The following SLC71A2 variants were observed in gnomAD, a reference collection of about 807,000 sequenced individuals.
SLC71A2 encodes hippocampus abundant transcript-like 1.
At chr9:94,435,717 C>T in the SLC71A2 span, among the ~76,000 whole-genome samples, 8 of 144,864 alleles carry the variant, frequency 5.5e-5, no homozygotes, top group South Asian at 1.5e-3. Flanking sequence ...TGCAATGGCA[C>T]GATCTCGGCT....
the SLC71A2 span, among the ~76,000 whole-genome samples, chr9:94,396,119 A>G: frequency 6.6e-6 from 1 of 151,806 alleles, no homozygotes; most frequent in South Asian, 2.1e-4. Flanking sequence ...CAGGCAAGTC[A>G]TGGGATATCC....
the SLC71A2 span, among the ~76,000 whole-genome samples, chr9:94,379,888 T>C: frequency 6.6e-6 from 1 of 152,318 alleles, no homozygotes; most frequent in Middle Eastern, 3.4e-3. Flanking sequence ...GTAACAGGAA[T>C]ACATTAATTT....
At chr9:94,454,013 T>C in the SLC71A2 span, 1 of 1,614,188 alleles carries the variant, frequency 6.2e-7, no homozygotes, top group Non-Finnish European at 8.5e-7. Context: ...ACTGTCCTCC[T>C]TGGCTTGGGC....
chr9:94,445,183 G>A, the SLC71A2 span: 2 of 1,599,186 alleles, frequency 1.3e-6, no homozygotes, highest in East Asian at 2.2e-5. Flanking sequence ...CCCTTTTGCG[G>A]TAAATAAAAA....
the SLC71A2 span, among the ~76,000 whole-genome samples, chr9:94,404,197 TAA>T: frequency 6.6e-6 from 1 of 152,252 alleles, no homozygotes; most frequent in Non-Finnish European, 1.5e-5. Context: ...CAAAACAGAT[TAA>T]GACAGTAGCC....
At chr9:94,452,451 G>A in the SLC71A2 span, among the ~76,000 whole-genome samples, 8 of 151,766 alleles carry the variant, frequency 5.3e-5, no homozygotes, top group Admixed American at 2.6e-4. Flanking sequence ...ACAAAAATCA[G>A]CTGGGTGTGG....
the SLC71A2 span, among the ~76,000 whole-genome samples, chr9:94,431,134 A>C: frequency 6.6e-6 from 1 of 152,184 alleles, no homozygotes; most frequent in Non-Finnish European, 1.5e-5. Context: ...TAACATGGTG[A>C]AACTCCATCT....
the SLC71A2 span, among the ~76,000 whole-genome samples, chr9:94,425,310 C>T: frequency 6.6e-6 from 1 of 151,990 alleles, no homozygotes; most frequent in Non-Finnish European, 1.5e-5. Context: ...AATCAAACAA[C>T]AACAAAAAGA....
At chr9:94,400,039 G>T in the SLC71A2 span, among the ~76,000 whole-genome samples, 1 of 152,066 alleles carries the variant, frequency 6.6e-6, no homozygotes, top group African/African-American at 2.4e-5. Flanking sequence ...TCAAACTCAT[G>T]ATCTCAAGTG....
At chr9:94,451,764 T>G in the SLC71A2 span, among the ~76,000 whole-genome samples, 1 of 152,220 alleles carries the variant, frequency 6.6e-6, no homozygotes. Context: ...TTATTTTCTT[T>G]TTTGAGGTTG....
At chr9:94,410,810 G>A in the SLC71A2 span, among the ~76,000 whole-genome samples, 1 of 152,264 alleles carries the variant, frequency 6.6e-6, no homozygotes, top group African/African-American at 2.4e-5. Context: ...CTTTCCCCCA[G>A]GCTGGAGTGC....
the SLC71A2 span, among the ~76,000 whole-genome samples, chr9:94,396,651 C>T: frequency 1.3e-5 from 2 of 152,108 alleles, no homozygotes; most frequent in Non-Finnish European, 2.9e-5. Context: ...ACAAAAGCAG[C>T]CATAGACAGA....
At chr9:94,401,253 C>T in the SLC71A2 span, among the ~76,000 whole-genome samples, 2 of 152,092 alleles carry the variant, frequency 1.3e-5, no homozygotes. Flanking sequence ...TCACTGCAAC[C>T]TCCGCCTTCC....
At chr9:94,456,390 C>CTT in the SLC71A2 span, 1 of 1,443,284 alleles carries the variant, frequency 6.9e-7, no homozygotes. Context: ...GACCTCCCTG[C>CTT]TAGAAGCAGG....
At chr9:94,397,445 G>A in the SLC71A2 span, among the ~76,000 whole-genome samples, 1 of 151,822 alleles carries the variant, frequency 6.6e-6, no homozygotes, top group Non-Finnish European at 1.5e-5. Flanking sequence ...ACCAGGCATG[G>A]TGGTGTGTGC....
At chr9:94,382,215 T>G in the SLC71A2 span, among the ~76,000 whole-genome samples, 1 of 151,970 alleles carries the variant, frequency 6.6e-6, no homozygotes, top group Non-Finnish European at 1.5e-5. Context: ...TTTATAGAGA[T>G]GGGGTCTTAC....
chr9:94,395,883 T>C, the SLC71A2 span, among the ~76,000 whole-genome samples: 1 of 152,038 alleles, frequency 6.6e-6, no homozygotes, highest in Non-Finnish European at 1.5e-5. Context: ...ACTGAGAAGA[T>C]GTTAGCAAGC....
the SLC71A2 span, among the ~76,000 whole-genome samples, chr9:94,438,085 C>G: frequency 2.0e-5 from 3 of 152,068 alleles, no homozygotes; most frequent in South Asian, 6.2e-4. Context: ...TCTGCCACCA[C>G]GCCCGGCTAG....
At chr9:94,435,298 C>T in the SLC71A2 span, among the ~76,000 whole-genome samples, 2 of 152,196 alleles carry the variant, frequency 1.3e-5, no homozygotes, top group Non-Finnish European at 2.9e-5. Flanking sequence ...CTCCCATCAC[C>T]ACATCTACTA....
Sources: gnomAD v4.1 joint callset for allele counts (sites outside exome capture counted in the v4.1 genomes callset) on GRCh38, gnomAD v4.1.1 for gene constraint, MANE v1.5 for transcripts, NCBI Gene and HGNC (gene_info 2026-07-23, HGNC 2026-07-21) for gene names.